DST: variants seen among roughly 807,000 people sequenced by gnomAD.
DST encodes the protein dystonin.
In DST, 253 loss-of-function variants were observed where a neutral mutation model predicts 875.2. That is an observed-to-expected ratio of 0.29 (90% confidence interval 0.26 to 0.32). The LOEUF is 0.32. Among genes scored for constraint, DST ranks in the 10% least tolerant of loss-of-function variants. The pLI is 1.00. For synonymous variants in DST, 3,124 were observed against 3,197.1 expected, an observed-to-expected ratio of 0.98 and a Z score of 0.77; for missense variants, 8,287 against 9,111.6, an observed-to-expected ratio of 0.91 and a Z score of 3.68.
rs1449632704 is a variant in DST, at chr6:56,458,693, G to T, written c.*312C>A. 1 of 199,264 alleles carries T rather than the reference G, an allele frequency of 5.0e-6. No individual in the cohort carries two copies. The highest frequency in any genetic ancestry group is 1.0e-5 in the Non-Finnish European group (1 of 99,360). The allele number at this position is 199,264 out of a possible 1,614,324, so 12.3% of individuals were successfully genotyped here. ...CGTCAGGGATTGATGTAGTGCTGTG[G>T]CTGTCAGAGAGGATGTAGACTTACC... On this transcript the variant is annotated 3_prime_UTR_variant, in exon 104 of 104. Coordinates refer to ENST00000680361, the MANE Select transcript of DST (RefSeq NM_001374736.1).
At chr6:56,651,466 T>C (rs2098975410) in intron 10 of DST, among the ~76,000 whole-genome samples, 1 of 152,210 alleles carries the variant, frequency 6.6e-6, no homozygotes, top group Non-Finnish European at 1.5e-5. Context: ...TTTGAACATA[T>C]ATAAATTTCA....
At chr6:56,464,838 G>T in intron 99 of DST, 82 bp from the exon 100 acceptor site, 1 of 1,049,152 alleles carries the variant, frequency 9.5e-7, no homozygotes, top group Non-Finnish European at 1.4e-6. Context: ...AGTTGAATAT[G>T]CAAAGGGTGC....
intron 82 of DST, among the ~76,000 whole-genome samples, chr6:56,494,672 T>C (rs2095853053): frequency 6.6e-6 from 1 of 152,120 alleles, no homozygotes. Context: ...AGTAATATAT[T>C]TAAGTTGATT....
Position 56,482,793 on chromosome 6 carries a change from C to A in DST, c.21292G>T (p.Asp7098Tyr), listed in dbSNP as rs368388820. ...TGGACCTTGACCCAGGAGGAGTCAT[C>A]CCGACTGCCTTCTATGAGTTCTCGG... is the stretch of plus-strand genomic sequence containing the variant. ...SARELIEGSR[D>Y]DSSWVKVQMQ... Residue 7098 changes from aspartate to tyrosine, a missense_variant, in exon 89 of 104, where the codon GAT (aspartate) becomes TAT (tyrosine). Asp to Tyr is a radical substitution (Grantham distance 160). Around this residue, in one of 10 missense-constraint regions of DST, gnomAD observed 1,292 missense variants for 1,552.7 expected, o/e 0.83. Transcript: ENST00000680361. 6.2e-7 allele frequency: 1 copy of A among 1,613,684 alleles called. No individual in the cohort carries two copies. The highest frequency in any genetic ancestry group is 1.3e-5 in the African/African-American group (1 of 74,892).
intron 2 of DST, among the ~76,000 whole-genome samples, chr6:56,945,533 A>G (rs1818968487): frequency 6.6e-6 from 1 of 152,202 alleles, no homozygotes; most frequent in Non-Finnish European, 1.5e-5. Flanking sequence ...TGAGATGCCA[A>G]TGGGACATCT....
At position 56,892,016 on chromosome 6, in the gene DST, C is replaced by A. The variant is rs367947883; in HGVS notation, c.417+8405G>T. 1.1e-4 allele frequency among the ~76,000 whole-genome samples: 16 copies of A among 152,270 alleles called. No homozygotes were observed. In the East Asian group the frequency reaches 2.9e-3, roughly 28 times the overall value. ...CATGGGTTAGGCCCAAATTCAGGCC[C>A]TAATCACCTCACTGCTAGGCTGCCA... On this transcript the variant is annotated intron_variant, in intron 3 of 103. Coordinates refer to ENST00000680361, the MANE Select transcript of DST (RefSeq NM_001374736.1).
At chr6:56,616,344 G>C in intron 36 of DST, 1 of 1,613,620 alleles carries the variant, frequency 6.2e-7, no homozygotes. Flanking sequence ...TCCTTCCACT[G>C]ATATTGCTGC....
intron 53 of DST, among the ~76,000 whole-genome samples, chr6:56,571,009 A>G (rs1220513494): frequency 6.6e-6 from 1 of 152,204 alleles, no homozygotes; most frequent in Non-Finnish European, 1.5e-5. Flanking sequence ...TCCAGATTCA[A>G]GTCTCCCAAA....
At chr6:56,834,598 A>G (rs923870462) in intron 4 of DST, among the ~76,000 whole-genome samples, 1 of 97,948 alleles carries the variant, frequency 1.0e-5, no homozygotes, top group Non-Finnish European at 2.3e-5. Flanking sequence ...CTCCAACTCC[A>G]AAAAAAAAAA....
chr6:56,782,417 T>C lies in DST; in HGVS notation c.626-47128A>G, dbSNP rs1223948305. ...AATTTCAGAGCCTGTTATTGGTCTA[T>C]TCAGAGATTCAACTTCTTCCTGGTT... On this transcript the variant is annotated intron_variant, in intron 4 of 103. Transcript: ENST00000680361. 4.6e-5 allele frequency among the ~76,000 whole-genome samples: 7 copies of C among 152,318 alleles called. No individual in the cohort carries two copies. In the East Asian group the frequency reaches 1.3e-3, roughly 29 times the overall value.
rs958785776 is a variant in DST at position 56,631,831 on chromosome 6, A to G, written c.3963+52T>C. The G allele has an allele frequency of 2.6e-6, 4 of 1,550,100 alleles. No individual in the cohort carries two copies. In the African/African-American group the frequency reaches 4.1e-5, roughly 16 times the overall value. On this transcript the variant is annotated intron_variant, in intron 29 of 103. Transcript: ENST00000680361. ...ATTAAGAAGTCACAAGAGTTGATAC[A>G]TAAGGTCATTAAGAGAGTTAGTTTT...
intron 45 of DST, among the ~76,000 whole-genome samples, chr6:56,599,759 G>A (rs1316405511): frequency 6.6e-6 from 1 of 152,082 alleles, no homozygotes; most frequent in Non-Finnish European, 1.5e-5. Context: ...CAAGTAGTAA[G>A]TAGGTTGGCC....
chr6:56,642,849 T>A (rs1332427621), intron 15 of DST: 2 of 1,608,612 alleles, frequency 1.2e-6, no homozygotes, highest in African/African-American at 2.7e-5. Flanking sequence ...AGGTAGGAGG[T>A]CTGGAAAAAG....
At chr6:56,572,473 C>T (rs2097793056) in intron 52 of DST, among the ~76,000 whole-genome samples, 1 of 152,126 alleles carries the variant, frequency 6.6e-6, no homozygotes, top group African/African-American at 2.4e-5. Flanking sequence ...ATTTAAAATG[C>T]ATTCTATATT....
At chr6:56,810,916 T>G (rs969696251) in intron 4 of DST, among the ~76,000 whole-genome samples, 2 of 152,032 alleles carry the variant, frequency 1.3e-5, no homozygotes, top group African/African-American at 4.8e-5. Flanking sequence ...GTATGGTGAC[T>G]CTTGCTTGAA....
At chr6:56,670,920 C>T in intron 9 of DST, 113 bp from the exon 10 acceptor site, 1 of 576,214 alleles carries the variant, frequency 1.7e-6, no homozygotes. Flanking sequence ...AATAACAATT[C>T]CCGCTTCATG....
At position 56,476,277 on chromosome 6, in the gene DST, C is replaced by T; in HGVS notation, c.21736G>A (p.Ala7246Thr). ...RLASALAGLI[A>T]KQELLEALLA... Reference sequence around the variant, plus strand: ...AAAGCTTCCAACAATTCCTGTTTGGCAATAAGCCCAGCCAGAGCACTTGCT... The same window carrying T: ...AAAGCTTCCAACAATTCCTGTTTGGTAATAAGCCCAGCCAGAGCACTTGCT... The change falls in exon 92 of 104, where the codon GCC becomes ACC. Residue 7246 changes from alanine (A) to threonine (T), a missense_variant. Ala to Thr is a moderately conservative substitution (Grantham distance 58). This residue lies in a region of DST where 1,292 missense variants were observed against 1,552.7 expected (regional missense o/e 0.83). Coordinates refer to ENST00000680361, the MANE Select transcript of DST (RefSeq NM_001374736.1). 1.9e-6 allele frequency: 3 copies of T among 1,608,628 alleles called. No homozygotes were observed. The highest frequency in any genetic ancestry group is 2.5e-6 in the Non-Finnish European group (3 of 1,177,120).
chr6:56,650,852 A>G (rs2098971799), intron 12 of DST, 74 bp downstream of exon 12: 1 of 931,088 alleles, frequency 1.1e-6, no homozygotes, highest in Non-Finnish European at 1.7e-6. Context: ...AACTGCAAAA[A>G]TCATTATCAA....
At chr6:56,859,055 T>C (rs1769563916) in intron 3 of DST, among the ~76,000 whole-genome samples, 1 of 152,204 alleles carries the variant, frequency 6.6e-6, no homozygotes. Context: ...GATTACCATA[T>C]ATTTGGGGAT....
Sources: gnomAD v4.1 joint callset for allele counts (sites outside exome capture counted in the v4.1 genomes callset) on GRCh38, gnomAD v4.1.1 for gene constraint, gnomAD v4.1.1 regional missense constraint, MANE v1.5 for transcripts, NCBI Gene and HGNC (gene_info 2026-07-23, HGNC 2026-07-21) for gene names.